CD200R1: variants seen among roughly 807,000 people sequenced by gnomAD.
The protein encoded by CD200R1 is CD200 receptor 1.
Under a neutral mutation model 38.1 loss-of-function variants are expected in CD200R1, and 30 were observed. The observed-to-expected ratio is 0.79, with a 90% CI of 0.59 to 1.07. The LOEUF is 1.07. CD200R1 is among the 50% of genes least tolerant of loss of function. CD200R1 has a pLI of 0.00. For missense variants in CD200R1, 372 were observed against 415.4 expected (o/e 0.90, Z 0.91); for synonymous variants, 128 against 152.1 (o/e 0.84, Z 1.16).
chr3:112,962,942 G>T (rs1375892404), intron 1 of CD200R1, among the ~76,000 whole-genome samples: 1 of 152,166 alleles, frequency 6.6e-6, no homozygotes, highest in Non-Finnish European at 1.5e-5. Context: ...ATGTGTTGTG[G>T]GAGGGACCTA....
chr3:112,972,782 C>G (rs1933342725), intron 1 of CD200R1, among the ~76,000 whole-genome samples: 1 of 152,296 alleles, frequency 6.6e-6, no homozygotes, highest in Non-Finnish European at 1.5e-5. Context: ...ACATTTAAGT[C>G]ATTAGCTCCC....
chr3:112,957,018 C>G (rs2107335172), intron 1 of CD200R1, among the ~76,000 whole-genome samples: 1 of 152,194 alleles, frequency 6.6e-6, no homozygotes, highest in East Asian at 1.9e-4. Flanking sequence ...TGGAGTCTTC[C>G]CAGTGCTGGA....
chr3:112,974,884 A>T lies in CD200R1; in HGVS notation c.-27T>A. 1.3e-6 allele frequency: 2 copies of T among 1,595,682 alleles called. No homozygotes were observed. The highest frequency in any genetic ancestry group is 1.7e-6 in the Non-Finnish European group (2 of 1,163,988). ...TCTGTTTTCTCTTTTTCTGCCCTTC[A>T]CTCAGTACTTTTCCTCCACACAGGT... On this transcript the variant is annotated 5_prime_UTR_variant, in exon 1 of 8. The change abolishes the stop of an existing upstream ORF in the 5' untranslated region. Transcript: ENST00000308611.
At chr3:112,944,408 A>G (rs528056250) in intron 2 of CD200R1, among the ~76,000 whole-genome samples, 1 of 152,150 alleles carries the variant, frequency 6.6e-6, no homozygotes, top group African/African-American at 2.4e-5. Context: ...TAGATACATA[A>G]AAAGCATTTG....
At chr3:112,928,055 C>T (rs993961140) in intron 5 of CD200R1, among the ~76,000 whole-genome samples, 1 of 152,048 alleles carries the variant, frequency 6.6e-6, no homozygotes, top group African/African-American at 2.4e-5. Flanking sequence ...ATGTGAAATC[C>T]TCATCTACCA....
At chr3:112,964,590 A>C (rs1233106039) in intron 1 of CD200R1, among the ~76,000 whole-genome samples, 1 of 152,224 alleles carries the variant, frequency 6.6e-6, no homozygotes, top group Non-Finnish European at 1.5e-5. Flanking sequence ...GTATTTCACA[A>C]TGCCTGTACC....
chr3:112,955,042 A>C (rs1941059178), intron 1 of CD200R1, among the ~76,000 whole-genome samples: 1 of 152,220 alleles, frequency 6.6e-6, no homozygotes, highest in Non-Finnish European at 1.5e-5. Flanking sequence ...GTGTGTAGAA[A>C]AAAACAGACA....
intron 2 of CD200R1, among the ~76,000 whole-genome samples, chr3:112,938,373 AAGAAAAAAAG>A (rs1242134457): frequency 6.6e-6 from 1 of 152,134 alleles, no homozygotes; most frequent in African/African-American, 2.4e-5. Context: ...TAGATGAATA[AAGAAAAAAAG>A]AGAAAAAACC....
At chr3:112,939,688 C>T (rs1244356895) in intron 2 of CD200R1, among the ~76,000 whole-genome samples, 1 of 151,502 alleles carries the variant, frequency 6.6e-6, no homozygotes. Flanking sequence ...ACTAGAATAA[C>T]TAATATTGTT....
chr3:112,974,019 G>C (rs1437644495), intron 1 of CD200R1, among the ~76,000 whole-genome samples: 1 of 152,084 alleles, frequency 6.6e-6, no homozygotes, highest in Non-Finnish European at 1.5e-5. Flanking sequence ...TGTAACTGTA[G>C]GCATATTATA....
At chr3:112,946,036 A>AAAG (rs1940850022) in intron 2 of CD200R1, among the ~76,000 whole-genome samples, 1 of 150,094 alleles carries the variant, frequency 6.7e-6, no homozygotes. Flanking sequence ...CCGTCTCAAA[A>AAAG]AAAAAAAAAA....
chr3:112,960,976 G>A (rs138680783), intron 1 of CD200R1, among the ~76,000 whole-genome samples: 13 of 151,974 alleles, frequency 8.6e-5, no homozygotes, highest in African/African-American at 2.2e-4. Context: ...TTCATGTTCC[G>A]ACACTTTATG....
At chr3:112,963,368 TC>T (rs993326713) in intron 1 of CD200R1, among the ~76,000 whole-genome samples, 3 of 152,176 alleles carry the variant, frequency 2.0e-5, no homozygotes, top group Non-Finnish European at 4.4e-5. Context: ...GTTAGGAACA[TC>T]CTAGAGACTT....
chr3:112,929,735 A>G (rs1940380669), intron 3 of CD200R1, among the ~76,000 whole-genome samples: 1 of 152,090 alleles, frequency 6.6e-6, no homozygotes, highest in Non-Finnish European at 1.5e-5. Flanking sequence ...TAGAAATATG[A>G]TATATAATAA....
At position 112,966,775 on chromosome 3, in the gene CD200R1, A is replaced by G. The variant is rs1018254064; in HGVS notation, c.67+8016T>C. Among the ~76,000 whole-genome samples the G allele has an allele frequency of 3.9e-5, 6 of 152,046 alleles. No homozygotes were observed. The South Asian group carries it at 6.2e-4, about 16-fold the overall frequency. ...TTGGTAGAAAAAAAAAAACTTTATT[A>G]GATGCTTACTTCCCCTTCTAGCTAG... On this transcript the variant is annotated intron_variant, in intron 1 of 7. Transcript: ENST00000308611.
rs929749833 is a variant in CD200R1, at chr3:112,928,726, C to T, written c.769+90G>A. The T allele has an allele frequency of 5.7e-6, 6 of 1,049,702 alleles. No individual in the cohort carries two copies. In the African/African-American group the frequency reaches 6.5e-5, roughly 11 times the overall value. 65.0% of individuals were successfully genotyped at this position (1,049,702 alleles called of 1,614,324 possible). A position where few individuals can be genotyped will look rare whatever the true frequency, so the allele number is the denominator to read the frequency against. ...AAATGAAGAGTGGGGAGAGCATCCT[C>T]GAACAAAATATATTTGCACATCTTT... On this transcript the variant is annotated intron_variant, in intron 5 of 7. Coordinates refer to ENST00000308611, the MANE Select transcript of CD200R1 (RefSeq NM_138806.4).
intron 2 of CD200R1, among the ~76,000 whole-genome samples, chr3:112,941,049 A>C (rs1304853563): frequency 4.6e-5 from 7 of 151,800 alleles, no homozygotes; most frequent in Non-Finnish European, 1.0e-4. Context: ...ATAAGCCAAG[A>C]ACAAAAAGCC....
intron 1 of CD200R1, among the ~76,000 whole-genome samples, chr3:112,966,279 C>A (rs554166922): frequency 1.3e-5 from 2 of 152,276 alleles, no homozygotes; most frequent in South Asian, 4.1e-4. Flanking sequence ...AAGTCTAGAT[C>A]CCTATACACT....
chr3:112,975,067 T>G lies in CD200R1; in HGVS notation c.-210A>C, dbSNP rs1041554398. The G allele has an allele frequency of 4.1e-5, 23 of 559,004 alleles. No homozygotes were observed. In the African/African-American group the frequency reaches 4.3e-4, roughly 10 times the overall value. The allele number at this position is 559,004 out of a possible 1,614,324, so 34.6% of individuals were successfully genotyped here. A position where few individuals can be genotyped will look rare whatever the true frequency, so the allele number is the denominator to read the frequency against. ...TAGTAACTTGGACGAACAGAAGCTT[T>G]TCTCTGGAACTTGACACAGCAATAG... On this transcript the variant is annotated 5_prime_UTR_variant, in exon 1 of 8. Coordinates refer to ENST00000308611, the MANE Select transcript of CD200R1 (RefSeq NM_138806.4).
Sources: gnomAD v4.1 joint callset for allele counts (sites outside exome capture counted in the v4.1 genomes callset) on GRCh38, gnomAD v4.1.1 for gene constraint, MANE v1.5 for transcripts, NCBI Gene and HGNC (gene_info 2026-07-23, HGNC 2026-07-21) for gene names.